Variants in TBC1D5 observed in about 807,000 individuals in gnomAD.
TBC1D5 encodes TBC1 domain family member 5.
In TBC1D5, 75 loss-of-function variants were observed where a neutral mutation model predicts 100.3. The observed-to-expected ratio is 0.75, with a 90% CI of 0.62 to 0.91. The LOEUF (loss-of-function observed/expected upper bound fraction) is 0.91, where lower values mean the gene tolerates loss of function less well. TBC1D5 is among the 40% of genes least tolerant of loss of function. The pLI, the probability that TBC1D5 is intolerant of heterozygous loss-of-function variation, is 0.00. For synonymous variants in TBC1D5, 323 were observed against 325.6 expected, an observed-to-expected ratio of 0.99 and a Z score of 0.09; for missense variants, 910 against 942.4, an observed-to-expected ratio of 0.97 and a Z score of 0.45.
chr3:17,696,282 T>C (rs1476792816), intron 1 of TBC1D5, among the ~76,000 whole-genome samples: 1 of 151,150 alleles, frequency 6.6e-6, no homozygotes, highest in Non-Finnish European at 1.5e-5. Flanking sequence ...GACACAAAAA[T>C]CCCTTCAAAA....
chr3:17,625,396 T>C (rs1450505087), intron 1 of TBC1D5, among the ~76,000 whole-genome samples: 2 of 152,064 alleles, frequency 1.3e-5, no homozygotes, highest in African/African-American at 4.8e-5. Context: ...CTGCCTGTTA[T>C]TCTTACCACG....
At chr3:17,648,430 T>C (rs1028252138) in intron 1 of TBC1D5, among the ~76,000 whole-genome samples, 2 of 152,198 alleles carry the variant, frequency 1.3e-5, no homozygotes, top group African/African-American at 4.8e-5. Flanking sequence ...AAAGATTTCA[T>C]GACAAAGACA....
chr3:17,257,758 A>G (rs1416078183), intron 16 of TBC1D5, among the ~76,000 whole-genome samples: 1 of 152,210 alleles, frequency 6.6e-6, no homozygotes, highest in Non-Finnish European at 1.5e-5. Flanking sequence ...CCATAAATGT[A>G]TATTTAGGCT....
At chr3:17,612,279 G>A (rs551547288) in intron 2 of TBC1D5, among the ~76,000 whole-genome samples, 2 of 141,612 alleles carry the variant, frequency 1.4e-5, no homozygotes, top group Admixed American at 1.5e-4. Context: ...CAGCCTGGGT[G>A]ACAGACTAAG....
intron 2 of TBC1D5, among the ~76,000 whole-genome samples, chr3:17,549,760 G>T (rs970544436): frequency 4.0e-5 from 6 of 151,888 alleles, no homozygotes; most frequent in Non-Finnish European, 8.8e-5. Flanking sequence ...GTGCAACCTC[G>T]TCTCTAGTAA....
chr3:17,711,647 T>C (rs950251401), intron 1 of TBC1D5, among the ~76,000 whole-genome samples: 1 of 152,256 alleles, frequency 6.6e-6, no homozygotes, highest in Non-Finnish European at 1.5e-5. Flanking sequence ...TACATATTTT[T>C]TCATTAAATA....
chr3:17,209,902 T>C (rs767669037), intron 18 of TBC1D5, among the ~76,000 whole-genome samples: 1 of 152,174 alleles, frequency 6.6e-6, no homozygotes, highest in Non-Finnish European at 1.5e-5. Flanking sequence ...TTGCTACTAC[T>C]TTCTGGGTCT....
At chr3:17,329,937 G>T (rs1462684217) in intron 13 of TBC1D5, among the ~76,000 whole-genome samples, 5 of 152,096 alleles carry the variant, frequency 3.3e-5, no homozygotes, top group Admixed American at 3.3e-4. Context: ...CATTTTAGGA[G>T]AAACTTAAGA....
At chr3:17,279,154 C>A (rs2080325547) in intron 15 of TBC1D5, among the ~76,000 whole-genome samples, 1 of 152,184 alleles carries the variant, frequency 6.6e-6, no homozygotes, top group South Asian at 2.1e-4. Context: ...CAAAGGTAAG[C>A]AAACTTGAAG....
At chr3:17,249,712 C>A (rs995684086) in intron 16 of TBC1D5, among the ~76,000 whole-genome samples, 1 of 152,144 alleles carries the variant, frequency 6.6e-6, no homozygotes, top group Non-Finnish European at 1.5e-5. Context: ...TTTATAGCAA[C>A]ACAAAAATGG....
At chr3:17,167,617 G>A (rs2066762295) in intron 20 of TBC1D5, 132 bp downstream of exon 21, 7 of 741,364 alleles carry the variant, frequency 9.4e-6, no homozygotes, top group South Asian at 1.7e-5. Context: ...TGGTGATGCA[G>A]AAGGGGCTCT....
chr3:17,400,843 T>C (rs1449523848), intron 8 of TBC1D5, among the ~76,000 whole-genome samples: 1 of 152,112 alleles, frequency 6.6e-6, no homozygotes, highest in East Asian at 1.9e-4. Context: ...CTCCAAGTTC[T>C]TCAGGTTTTG....
At chr3:17,341,951 G>C (rs1333521220) in intron 13 of TBC1D5, among the ~76,000 whole-genome samples, 2 of 152,042 alleles carry the variant, frequency 1.3e-5, no homozygotes, top group Non-Finnish European at 2.9e-5. Context: ...CCTACTTGTA[G>C]TTATCTTCCC....
intron 1 of TBC1D5, among the ~76,000 whole-genome samples, chr3:17,700,543 A>G (rs191579604): frequency 2.0e-5 from 3 of 152,350 alleles, no homozygotes; most frequent in Admixed American, 1.3e-4. Flanking sequence ...TGAACAGGCA[A>G]CCTACAGAAT....
chr3:17,596,214 T>C (rs2060552651), intron 2 of TBC1D5, among the ~76,000 whole-genome samples: 1 of 152,114 alleles, frequency 6.6e-6, no homozygotes, highest in Admixed American at 6.5e-5. Flanking sequence ...TTAGTGTGCA[T>C]ATTAACAATC....
intron 15 of TBC1D5, among the ~76,000 whole-genome samples, chr3:17,289,109 G>T (rs138583816): frequency 6.6e-6 from 1 of 152,348 alleles, no homozygotes; most frequent in Non-Finnish European, 1.5e-5. Context: ...AGTCTACCAT[G>T]GGAGTGGCTT....
In TBC1D5 at chr3:17,374,694, A is replaced by G; in HGVS notation, c.702-15T>C. ...TCATTTCCTCACTTAAAAAAGCAAT[A>G]CAAGCAATCAAAATGTGTAATTTTT... is the stretch of plus-strand genomic sequence containing the variant. On this transcript the variant is annotated splice_polypyrimidine_tract_variant and intron_variant, in intron 10 of 21. Coordinates refer to ENST00000253692, the Ensembl canonical transcript of TBC1D5. 1 of 1,608,998 alleles carries G rather than the reference A, an allele frequency of 6.2e-7. No homozygotes were observed. The highest frequency in any genetic ancestry group is 8.5e-7 in the Non-Finnish European group (1 of 1,178,592).
chr3:17,535,542 T>C (rs1392321265), intron 2 of TBC1D5, among the ~76,000 whole-genome samples: 1 of 152,208 alleles, frequency 6.6e-6, no homozygotes, highest in Non-Finnish European at 1.5e-5. Context: ...TTATAAACTC[T>C]GGTTTTCAGA....
intron 2 of TBC1D5, among the ~76,000 whole-genome samples, chr3:17,579,248 C>A (rs944103444): frequency 6.6e-6 from 1 of 151,686 alleles, no homozygotes; most frequent in Non-Finnish European, 1.5e-5. Flanking sequence ...GTGGGTGTAA[C>A]CTGAAGTAAA....
Sources: gnomAD v4.1 joint callset for allele counts (sites outside exome capture counted in the v4.1 genomes callset) on GRCh38, gnomAD v4.1.1 for gene constraint, MANE v1.5 for transcripts, NCBI Gene and HGNC (gene_info 2026-07-23, HGNC 2026-07-21) for gene names.